MEMO1: variants seen among roughly 807,000 people sequenced by gnomAD.
MEMO1 encodes the protein protein MEMO1.
In MEMO1, 6 loss-of-function variants were observed where a neutral mutation model predicts 45.2. The ratio of observed to expected loss-of-function variants is 0.13; its 90% CI spans 0.07 to 0.26. MEMO1 has a LOEUF of 0.26. Among genes scored for constraint, MEMO1 ranks in the 10% least tolerant of loss-of-function variants. The pLI, the probability that MEMO1 is intolerant of heterozygous loss-of-function variation, is 1.00. For synonymous variants in MEMO1, 78 were observed against 124.3 expected, an observed-to-expected ratio of 0.63 and a Z score of 2.48; for missense variants, 184 against 370.5, an observed-to-expected ratio of 0.50 and a Z score of 4.13.
At chr2:31,919,468 T>C (rs1681948736) in intron 5 of MEMO1, among the ~76,000 whole-genome samples, 2 of 152,030 alleles carry the variant, frequency 1.3e-5, no homozygotes, top group Admixed American at 6.6e-5. Flanking sequence ...TCTTTTATTC[T>C]ATACAAGAAA....
At chr2:31,914,503 C>G (rs778789151) in intron 6 of MEMO1, among the ~76,000 whole-genome samples, 1 of 152,144 alleles carries the variant, frequency 6.6e-6, no homozygotes, top group African/African-American at 2.4e-5. Flanking sequence ...ACTGGATTGT[C>G]TGGAACACTA....
chr2:31,981,242 TTAGAG>T lies in MEMO1; in HGVS notation c.61+28940_61+28944del, dbSNP rs372458309. Among the ~76,000 whole-genome samples, 18 of 152,268 alleles carry T rather than the reference TTAGAG, an allele frequency of 1.2e-4. No homozygotes were observed. In the East Asian group the frequency reaches 1.9e-3, roughly 16 times the overall value. ...TAGTTGAGAACCACAGCAGGAGTAGTTAGAGTAAAGTAGTTAGAGCTCCCTGGTTT... is the reference window on the plus strand; with the variant it reads ...TAGTTGAGAACCACAGCAGGAGTAGTTAAAGTAGTTAGAGCTCCCTGGTTT... On this transcript the variant is annotated intron_variant, in intron 2 of 9. Transcript: ENST00000404530.
At chr2:32,008,233 GA>G (rs1367223390) in intron 2 of MEMO1, among the ~76,000 whole-genome samples, 5 of 152,296 alleles carry the variant, frequency 3.3e-5, no homozygotes, top group Non-Finnish European at 5.9e-5. Context: ...AGAATCTATA[GA>G]AATTCCTCCA....
chr2:31,899,929 A>C (rs1365636668), intron 6 of MEMO1, among the ~76,000 whole-genome samples: 2 of 152,244 alleles, frequency 1.3e-5, no homozygotes, highest in African/African-American at 2.4e-5. Context: ...ATATGAAAAG[A>C]AGCTCATCAT....
intron 7 of MEMO1, among the ~76,000 whole-genome samples, chr2:31,886,463 A>G (rs1365427845): frequency 6.6e-6 from 1 of 152,162 alleles, no homozygotes; most frequent in East Asian, 1.9e-4. Context: ...TTAGAAACTG[A>G]GTTTAAAATA....
At chr2:31,909,544 A>C (rs1421946653) in intron 6 of MEMO1, among the ~76,000 whole-genome samples, 1 of 152,176 alleles carries the variant, frequency 6.6e-6, no homozygotes, top group African/African-American at 2.4e-5. Context: ...CCTAGGAATA[A>C]ATTTAACCAA....
intron 2 of MEMO1, among the ~76,000 whole-genome samples, chr2:31,976,062 A>G (rs1669968714): frequency 6.6e-6 from 1 of 152,072 alleles, no homozygotes; most frequent in Admixed American, 6.6e-5. Flanking sequence ...AGCTAATTTA[A>G]TTGCAATTAC....
intron 6 of MEMO1, among the ~76,000 whole-genome samples, chr2:31,905,828 T>C (rs925652927): frequency 1.3e-5 from 2 of 152,214 alleles, no homozygotes; most frequent in African/African-American, 4.8e-5. Flanking sequence ...CTCCCACATC[T>C]GTTCAGTTTG....
At chr2:31,963,242 G>A (rs1668232806) in intron 2 of MEMO1, 1 of 1,545,586 alleles carries the variant, frequency 6.5e-7, no homozygotes, top group East Asian at 2.4e-5. Context: ...ATAATGGCAT[G>A]AGTCAATTCC....
At chr2:31,951,693 C>T (rs918620140) in intron 2 of MEMO1, among the ~76,000 whole-genome samples, 5 of 152,042 alleles carry the variant, frequency 3.3e-5, no homozygotes, top group Non-Finnish European at 7.4e-5. Context: ...CCACCGCACC[C>T]GGCTAATTTT....
chr2:31,878,245 G>A (rs1674848900), intron 8 of MEMO1, among the ~76,000 whole-genome samples: 1 of 152,102 alleles, frequency 6.6e-6, no homozygotes, highest in African/African-American at 2.4e-5. Flanking sequence ...GTAAGAAAAT[G>A]GAGGGCTCTT....
At chr2:31,983,255 T>C (rs1350410457) in intron 2 of MEMO1, among the ~76,000 whole-genome samples, 1 of 152,000 alleles carries the variant, frequency 6.6e-6, no homozygotes, top group African/African-American at 2.4e-5. Flanking sequence ...AGCAAGACTC[T>C]GCCTAAAAAA....
chr2:31,908,343 G>C (rs1335920049), intron 6 of MEMO1, among the ~76,000 whole-genome samples: 1 of 151,984 alleles, frequency 6.6e-6, no homozygotes, highest in East Asian at 1.9e-4. Flanking sequence ...GGAAACTTCA[G>C]ACTTCCTCCC....
chr2:31,974,489 G>C (rs1269451304), intron 2 of MEMO1, among the ~76,000 whole-genome samples: 2 of 152,198 alleles, frequency 1.3e-5, no homozygotes, highest in Non-Finnish European at 2.9e-5. Context: ...ACTCACGCCT[G>C]TAATCCCAGT....
chr2:31,912,447 A>C (rs564005298), intron 6 of MEMO1, among the ~76,000 whole-genome samples: 2 of 144,138 alleles, frequency 1.4e-5, no homozygotes, highest in African/African-American at 5.1e-5. Context: ...CAGGAGGCGG[A>C]GGTTGCAGTG....
chr2:31,922,060 C>T (rs970998923), intron 4 of MEMO1, among the ~76,000 whole-genome samples: 3 of 151,932 alleles, frequency 2.0e-5, no homozygotes, highest in Admixed American at 6.6e-5. Context: ...ACATCACATA[C>T]AAAACTTACA....
intron 2 of MEMO1, among the ~76,000 whole-genome samples, chr2:32,000,171 C>G (rs1166928334): frequency 6.6e-6 from 1 of 151,980 alleles, no homozygotes. Flanking sequence ...CAGACCTGAG[C>G]CACAGCACCC....
intron 2 of MEMO1, among the ~76,000 whole-genome samples, chr2:32,008,942 G>A (rs117116645): frequency 6.6e-6 from 1 of 152,230 alleles, no homozygotes; most frequent in East Asian, 1.9e-4. Context: ...CACTCTCCAA[G>A]CCAATTCTTT....
chr2:31,910,123 A>G (rs1378432624), intron 6 of MEMO1, among the ~76,000 whole-genome samples: 1 of 152,128 alleles, frequency 6.6e-6, no homozygotes. Flanking sequence ...AGCGAAAGAA[A>G]AAAACCCACT....
Sources: gnomAD v4.1 joint callset for allele counts (sites outside exome capture counted in the v4.1 genomes callset) on GRCh38, gnomAD v4.1.1 for gene constraint, MANE v1.5 for transcripts, NCBI Gene and HGNC (gene_info 2026-07-23, HGNC 2026-07-21) for gene names.